The following SIPA1L1 variants were observed in gnomAD, a reference collection of about 807,000 sequenced individuals.
The protein encoded by SIPA1L1 is signal induced proliferation associated 1 like 1, also known as signal-induced proliferation-associated 1-like protein 1.
Under a neutral mutation model 162.7 loss-of-function variants are expected in SIPA1L1, and 26 were observed. The observed-to-expected ratio is 0.16, with a 90% CI of 0.12 to 0.22. The LOEUF (loss-of-function observed/expected upper bound fraction) is 0.22, where lower values mean the gene tolerates loss of function less well. SIPA1L1 is among the 10% of genes least tolerant of loss of function. The probability of loss-of-function intolerance (pLI) is 1.00; values close to 1 mark genes in which losing one functional copy is unlikely to be tolerated. For synonymous variants in SIPA1L1, 829 were observed against 837.4 expected, an observed-to-expected ratio of 0.99 and a Z score of 0.17; for missense variants, 1,874 against 2,241.0, an observed-to-expected ratio of 0.84 and a Z score of 3.31.
At chr14:71,628,038 A>G (rs2040205600) in intron 7 of SIPA1L1, among the ~76,000 whole-genome samples, 1 of 152,184 alleles carries the variant, frequency 6.6e-6, no homozygotes, top group Admixed American at 6.5e-5. Flanking sequence ...TAATCCCAGC[A>G]CTTTGGGAAG....
At chr14:71,598,320 C>A in intron 5 of SIPA1L1, 1 of 656,852 alleles carries the variant, frequency 1.5e-6, no homozygotes, top group Non-Finnish European at 1.9e-6. Context: ...GCAGGATTTG[C>A]ATGATCTCCA....
intron 2 of SIPA1L1, among the ~76,000 whole-genome samples, chr14:71,394,667 T>G (rs1295202036): frequency 6.6e-6 from 1 of 152,254 alleles, no homozygotes; most frequent in Non-Finnish European, 1.5e-5. Context: ...TTTAGTGATC[T>G]GGAATCATGT....
intron 4 of SIPA1L1, among the ~76,000 whole-genome samples, chr14:71,543,982 C>T (rs1280847530): frequency 2.0e-5 from 3 of 147,716 alleles, no homozygotes; most frequent in Non-Finnish European, 4.5e-5. Flanking sequence ...CACACACGCA[C>T]ATGTATATAT....
chr14:71,590,243 T>C lies in SIPA1L1; in HGVS notation c.1498+873T>C, dbSNP rs530598380. ...GAGCAGCGTTAATTAAGGAATGAGT[T>C]TAAGTCATCCAGGTAGACAAACGAG... On this transcript the variant is annotated intron_variant, in intron 5 of 23. Transcript: ENST00000381232. Among the ~76,000 whole-genome samples, 26 of 151,892 alleles carry C rather than the reference T, an allele frequency of 1.7e-4. No individual in the cohort carries two copies. In the South Asian group the frequency reaches 2.3e-3, roughly 13 times the overall value.
rs141094104 is a variant in SIPA1L1, at chr14:71,588,307, G to A, written c.435G>A (p.Pro145=). The change falls in exon 5 of 24, where the codon CCG becomes CCA. Residue 145 remains proline, a synonymous_variant. Transcript: ENST00000381232. The surrounding 1 kb of genome is among the most constrained non-coding windows in gnomAD (Gnocchi z 4.3). ...ACACGCTGAAAAACAAGACAAGACC[G>A]TCGGAGAACATGGACTCCAGATTTC... ...IQNTLKNKTR[P]SENMDSRFLM... 354 of 1,613,668 alleles carry A rather than the reference G, an allele frequency of 2.2e-4. No individual in the cohort carries two copies. Among genetic ancestry groups the A allele is most frequent in the South Asian group, 7.7e-4 (70 of 91,088 alleles).
At chr14:71,480,770 A>AAAAC (rs2048295921) in intron 2 of SIPA1L1, among the ~76,000 whole-genome samples, 1 of 152,190 alleles carries the variant, frequency 6.6e-6, no homozygotes, top group East Asian at 1.9e-4. Context: ...TCCAAAACAA[A>AAAAC]AAACAAACAA....
chr14:71,477,020 C>T (rs182483485), intron 2 of SIPA1L1, among the ~76,000 whole-genome samples: 85 of 152,118 alleles, frequency 5.6e-4, no homozygotes, highest in African/African-American at 1.9e-3. Flanking sequence ...TTTGGGAGGC[C>T]GAGGCAGGTG....
intron 7 of SIPA1L1, among the ~76,000 whole-genome samples, chr14:71,640,018 C>T (rs938307019): frequency 1.3e-5 from 2 of 152,114 alleles, no homozygotes; most frequent in African/African-American, 4.8e-5. Context: ...ATTCTCGTGC[C>T]TCAGTCTCCC....
chr14:71,656,937 C>T (rs1002491298), intron 8 of SIPA1L1, among the ~76,000 whole-genome samples: 5 of 152,182 alleles, frequency 3.3e-5, no homozygotes, highest in South Asian at 2.1e-4. Flanking sequence ...TAATTTAGCT[C>T]CACAGCTGAT....
At chr14:71,709,813 T>TGCCTTCAAAATACTTTAATC (rs958144424) in intron 17 of SIPA1L1, 149 bp downstream of exon 17, 1 of 635,024 alleles carries the variant, frequency 1.6e-6, no homozygotes, top group Admixed American at 3.3e-5. Context: ...GCCCTTTATT[T>TGCCTTCAAAATACTTTAATC]GCCTTCAAAA....
chr14:71,498,390 G>A (rs993559196), intron 2 of SIPA1L1, among the ~76,000 whole-genome samples: 1 of 151,998 alleles, frequency 6.6e-6, no homozygotes, highest in African/African-American at 2.4e-5. Flanking sequence ...CTTCCATTCG[G>A]TTTTTGGTTT....
intron 2 of SIPA1L1, among the ~76,000 whole-genome samples, chr14:71,480,354 G>A (rs576641563): frequency 9.3e-5 from 14 of 150,864 alleles, no homozygotes; most frequent in Middle Eastern, 3.4e-3. Flanking sequence ...CTCCCAAAGT[G>A]TTGGGATTAC....
Position 71,588,405 on chromosome 14 carries a change from T to C in SIPA1L1, c.533T>C (p.Ile178Thr). 2.5e-6 allele frequency: 4 copies of C among 1,614,118 alleles called. No homozygotes were observed. The highest frequency in any genetic ancestry group is 1.7e-5 in the Admixed American group (1 of 60,018). The change falls in exon 5 of 24, where the codon ATC (isoleucine) becomes ACC (threonine). Residue 178 changes from isoleucine to threonine, a missense_variant. By Grantham distance (89) the Ile-to-Thr change is moderately conservative (BLOSUM62 -1). Around this residue, in one of 5 missense-constraint regions of SIPA1L1, gnomAD observed 685 missense variants for 828.0 expected, o/e 0.83. Coordinates refer to ENST00000381232, the MANE Select transcript of SIPA1L1 (RefSeq NM_001386936.1). The surrounding 1 kb of genome is among the most constrained non-coding windows in gnomAD (Gnocchi z 4.3). The stretch of plus-strand genomic sequence containing the variant: ...ATACGCCAGCGAAGCAACAGTGATA[T>C]CACCATAAGTGAACTTGATGTGGAT... ...RRIRQRSNSD[I>T]TISELDVDSF...
intron 3 of SIPA1L1, among the ~76,000 whole-genome samples, chr14:71,528,163 CTAAG>C (rs1006894772): frequency 1.8e-4 from 28 of 152,276 alleles, no homozygotes; most frequent in South Asian, 1.2e-3. Context: ...ATAGATTTTA[CTAAG>C]TAAGATGATG....
intron 8 of SIPA1L1, among the ~76,000 whole-genome samples, chr14:71,651,267 C>A (rs898824621): frequency 6.6e-6 from 1 of 152,190 alleles, no homozygotes. Flanking sequence ...CATCCATAGA[C>A]ACCTGTGACC....
At chr14:71,642,667 ACAGT>A (rs1180560010) in intron 7 of SIPA1L1, among the ~76,000 whole-genome samples, 31 of 152,206 alleles carry the variant, frequency 2.0e-4, no homozygotes, top group Non-Finnish European at 7.3e-5. Flanking sequence ...ATAATGTCTG[ACAGT>A]CAATCATTTA....
At chr14:71,378,470 A>G (rs1255590330) in intron 2 of SIPA1L1, among the ~76,000 whole-genome samples, 1 of 152,068 alleles carries the variant, frequency 6.6e-6, no homozygotes, top group East Asian at 1.9e-4. Context: ...ATTTTCTTAG[A>G]TATCCTGTTA....
At chr14:71,570,154 C>T (rs1250406859) in intron 4 of SIPA1L1, among the ~76,000 whole-genome samples, 1 of 152,202 alleles carries the variant, frequency 6.6e-6, no homozygotes, top group Non-Finnish European at 1.5e-5. Context: ...AACTAGATCT[C>T]TACTTAGTCC....
rs191307527 is a variant in SIPA1L1, at chr14:71,618,015, C to A, written c.1499-742C>A. On this transcript the variant is annotated intron_variant, in intron 5 of 23. Transcript: ENST00000381232. ...TAACTTAATTTTGATCCCTATCTTT[C>A]TTTTTGCAAGAGAAAGGTAAATTCA... is the stretch of plus-strand genomic sequence containing the variant. 2.7e-4 allele frequency among the ~76,000 whole-genome samples: 41 copies of A among 152,276 alleles called. 1 individual carries two copies. In the East Asian group the frequency reaches 6.4e-3, roughly 24 times the overall value.
Sources: gnomAD v4.1 joint callset for allele counts (sites outside exome capture counted in the v4.1 genomes callset) on GRCh38, gnomAD v4.1.1 for gene constraint, gnomAD v4.1.1 regional missense constraint, Gnocchi (gnomAD v3.1) non-coding constraint, MANE v1.5 for transcripts, NCBI Gene and HGNC (gene_info 2026-07-23, HGNC 2026-07-21) for gene names.